The following ERBB4 variants were observed in gnomAD, a reference collection of about 807,000 sequenced individuals.
The protein encoded by ERBB4 is receptor tyrosine-protein kinase erbB-4.
A neutral mutation model predicts 158.0 loss-of-function variants in ERBB4; 42 were observed. The observed-to-expected ratio is 0.27, with a 90% CI of 0.21 to 0.34. The LOEUF (loss-of-function observed/expected upper bound fraction) is 0.34, where lower values mean the gene tolerates loss of function less well. Ranked by LOEUF, ERBB4 falls within the 10% of genes least tolerant of loss-of-function variation. The pLI, the probability that ERBB4 is intolerant of heterozygous loss-of-function variation, is 1.00. For synonymous variants in ERBB4, 583 were observed against 558.7 expected, an observed-to-expected ratio of 1.04 and a Z score of -0.61; for missense variants, 1,333 against 1,624.1, an observed-to-expected ratio of 0.82 and a Z score of 3.08.
At chr2:212,319,550 G>C (rs977127070) in intron 1 of ERBB4, among the ~76,000 whole-genome samples, 1 of 150,548 alleles carries the variant, frequency 6.6e-6, no homozygotes, top group Non-Finnish European at 1.5e-5. Flanking sequence ...ATCCATGTAA[G>C]ATTGAATCTA....
At chr2:212,374,234 A>G (rs2090241737) in intron 1 of ERBB4, among the ~76,000 whole-genome samples, 1 of 151,322 alleles carries the variant, frequency 6.6e-6, no homozygotes. Context: ...ATAATGCTGT[A>G]TATTATATTA....
At chr2:212,465,601 A>G (rs1017864379) in intron 1 of ERBB4, among the ~76,000 whole-genome samples, 2 of 152,170 alleles carry the variant, frequency 1.3e-5, no homozygotes, top group Non-Finnish European at 2.9e-5. Context: ...TTCAAAGCAA[A>G]GCGTTTATAG....
At chr2:211,715,090 C>G (rs188855065) in intron 7 of ERBB4, among the ~76,000 whole-genome samples, 1 of 152,146 alleles carries the variant, frequency 6.6e-6, no homozygotes, top group Non-Finnish European at 1.5e-5. Flanking sequence ...ATCTTACCAA[C>G]GGGTATAATT....
At chr2:211,974,365 A>G (rs1575459034) in intron 2 of ERBB4, among the ~76,000 whole-genome samples, 1 of 152,326 alleles carries the variant, frequency 6.6e-6, no homozygotes, top group Middle Eastern at 3.4e-3. Flanking sequence ...GAAAGAAAGA[A>G]GGGAAGGATG....
chr2:212,393,516 G>T (rs2090939716), intron 1 of ERBB4, among the ~76,000 whole-genome samples: 1 of 152,108 alleles, frequency 6.6e-6, no homozygotes, highest in South Asian at 2.1e-4. Context: ...CACACAATCA[G>T]ACACTCTAGG....
intron 2 of ERBB4, among the ~76,000 whole-genome samples, chr2:212,046,464 G>T (rs1466781898): frequency 6.6e-6 from 1 of 152,162 alleles, no homozygotes; most frequent in Non-Finnish European, 1.5e-5. Context: ...GTTTTGAAAA[G>T]AACATTAAAG....
At chr2:211,458,994 T>C (rs995279674) in intron 20 of ERBB4, among the ~76,000 whole-genome samples, 2 of 152,218 alleles carry the variant, frequency 1.3e-5, no homozygotes, top group African/African-American at 2.4e-5. Context: ...ATTAAAATTA[T>C]AATTTTATGG....
intron 2 of ERBB4, among the ~76,000 whole-genome samples, chr2:212,086,310 C>T (rs1229499046): frequency 6.7e-6 from 1 of 149,156 alleles, no homozygotes; most frequent in Non-Finnish European, 1.5e-5. Flanking sequence ...TTCAGATGGT[C>T]TTTATATTTC....
chr2:211,533,950 T>C (rs1037857449), intron 20 of ERBB4, among the ~76,000 whole-genome samples: 3 of 152,116 alleles, frequency 2.0e-5, no homozygotes, highest in African/African-American at 4.8e-5. Context: ...AGACTGACTT[T>C]CCTATGATTT....
intron 20 of ERBB4, among the ~76,000 whole-genome samples, chr2:211,483,378 T>A (rs1216354421): frequency 1.3e-5 from 2 of 152,026 alleles, no homozygotes; most frequent in African/African-American, 4.8e-5. Flanking sequence ...GAAAAAGAAA[T>A]ATGAATTAAA....
chr2:211,900,988 G>A (rs907396457), intron 3 of ERBB4, among the ~76,000 whole-genome samples: 3 of 152,018 alleles, frequency 2.0e-5, no homozygotes, highest in African/African-American at 7.2e-5. Flanking sequence ...GGCAAAACAT[G>A]TTTATTAAAA....
intron 3 of ERBB4, among the ~76,000 whole-genome samples, chr2:211,886,033 G>C (rs1575316897): frequency 6.6e-6 from 1 of 152,044 alleles, no homozygotes; most frequent in Non-Finnish European, 1.5e-5. Flanking sequence ...ATAAAGCATA[G>C]AGAGAAAGAG....
At chr2:211,796,098 A>G (rs992537488) in intron 3 of ERBB4, among the ~76,000 whole-genome samples, 22 of 151,910 alleles carry the variant, frequency 1.4e-4, no homozygotes, top group African/African-American at 5.3e-4. Context: ...CACTTATGTA[A>G]CCAGCACTCA....
At chr2:211,845,775 A>C (rs564392632) in intron 3 of ERBB4, among the ~76,000 whole-genome samples, 5 of 152,266 alleles carry the variant, frequency 3.3e-5, no homozygotes, top group African/African-American at 1.2e-4. Context: ...CTCATCTATT[A>C]CAACTTGTTC....
At chr2:212,241,787 A>C (rs1402253223) in intron 1 of ERBB4, among the ~76,000 whole-genome samples, 1 of 152,136 alleles carries the variant, frequency 6.6e-6, no homozygotes, top group East Asian at 1.9e-4. Context: ...AAGTGTTTGT[A>C]TGGCCTAGAG....
intron 1 of ERBB4, among the ~76,000 whole-genome samples, chr2:212,168,411 T>A (rs2081415088): frequency 1.3e-5 from 2 of 152,168 alleles, no homozygotes; most frequent in Admixed American, 6.6e-5. Flanking sequence ...GATGCTTATT[T>A]ATGTACTGGG....
At chr2:212,466,258 G>A (rs984647111) in intron 1 of ERBB4, among the ~76,000 whole-genome samples, 6 of 152,102 alleles carry the variant, frequency 3.9e-5, no homozygotes, top group East Asian at 1.9e-4. Context: ...CCACTTATAC[G>A]TGGATTCTCC....
In ERBB4 at chr2:211,383,536, G is replaced by C; in HGVS notation, c.*79C>G. The C allele has an allele frequency of 8.2e-7, 1 of 1,220,140 alleles. No homozygotes were observed. The highest frequency in any genetic ancestry group is 1.2e-6 in the Non-Finnish European group (1 of 826,846). 75.6% of individuals were successfully genotyped at this position (1,220,140 alleles called of 1,614,324 possible). The stretch of plus-strand genomic sequence containing the variant: ...CAAAACTACTGGCCTTGGGGTAGAA[G>C]GAAGACCACCAGAGAAAGAGAGGGG... On this transcript the variant is annotated 3_prime_UTR_variant, in exon 28 of 28. Transcript: ENST00000342788.
intron 1 of ERBB4, among the ~76,000 whole-genome samples, chr2:212,127,932 C>G (rs907995673): frequency 6.6e-6 from 1 of 152,210 alleles, no homozygotes; most frequent in Non-Finnish European, 1.5e-5. Context: ...TTTTCAACTT[C>G]TAACCTCCAG....
Sources: gnomAD v4.1 joint callset for allele counts (sites outside exome capture counted in the v4.1 genomes callset) on GRCh38, gnomAD v4.1.1 for gene constraint, MANE v1.5 for transcripts, NCBI Gene and HGNC (gene_info 2026-07-23, HGNC 2026-07-21) for gene names.